The following ARHGAP8 variants were observed in gnomAD, a reference collection of about 807,000 sequenced individuals.
ARHGAP8 encodes rho GTPase-activating protein 8.
Under a neutral mutation model 46.1 loss-of-function variants are expected in ARHGAP8, and 62 were observed. The observed-to-expected ratio is 1.34, with a 90% CI of 1.10 to 1.66. The LOEUF is 1.66. Ranked by LOEUF, ARHGAP8 falls within the 40% of genes most tolerant of loss-of-function variation. The pLI is 0.00. For synonymous variants in ARHGAP8, 375 were observed against 243.1 expected (o/e 1.54, Z -5.05); for missense variants, 923 against 568.4 (o/e 1.62, Z -6.34).
chr22:44,771,570 T>C (rs1926005823), intron 1 of ARHGAP8, among the ~76,000 whole-genome samples: 2 of 150,420 alleles, frequency 1.3e-5, no homozygotes, highest in Admixed American at 6.7e-5. Flanking sequence ...TTATTTTTTT[T>C]TGAGACAAAG....
rs183662852 is a variant in ARHGAP8 at position 44,835,477 on chromosome 22, C to T, written c.597-9792C>T. ...TACTAAAAGTACAAAAAAAATTAGC[C>T]GGGCATGGTTGCAGGCGCCTATAGG... On this transcript the variant is annotated intron_variant, in intron 7 of 11. Coordinates refer to ENST00000356099, the MANE Select transcript of ARHGAP8 (RefSeq NM_181335.3). Among the ~76,000 whole-genome samples the T allele has an allele frequency of 8.6e-3, 1,315 of 152,024 alleles. 19 individuals are homozygous for T. The highest frequency in any genetic ancestry group is 0.029 in the African/African-American group (1,223 of 41,464).
chr22:44,754,083 C>T (rs903852495), intron 1 of ARHGAP8, among the ~76,000 whole-genome samples: 2 of 152,176 alleles, frequency 1.3e-5, no homozygotes, highest in Non-Finnish European at 2.9e-5. Context: ...GGACAGCCAG[C>T]TGCCTGGTCC....
At chr22:44,825,373 G>A in intron 6 of ARHGAP8, 110 bp from the exon 7 acceptor site, 1 of 1,155,302 alleles carries the variant, frequency 8.7e-7, no homozygotes, top group South Asian at 1.5e-5. Flanking sequence ...GCGCCCAGAG[G>A]GATGAGATGC....
At chr22:44,840,437 C>G (rs975538774) in intron 7 of ARHGAP8, among the ~76,000 whole-genome samples, 2 of 145,810 alleles carry the variant, frequency 1.4e-5, no homozygotes, top group African/African-American at 5.0e-5. Context: ...CTTGTTACAT[C>G]CCCTCTCCCT....
At chr22:44,801,899 C>A (rs767414500) in intron 2 of ARHGAP8, 178 bp from the exon 3 acceptor site, 4 of 628,680 alleles carry the variant, frequency 6.4e-6, no homozygotes, top group East Asian at 2.7e-5. Context: ...GAACTTGGAC[C>A]ACGTGCATAA....
intron 1 of ARHGAP8, among the ~76,000 whole-genome samples, chr22:44,766,621 CAT>C (rs1925595357): frequency 6.6e-6 from 1 of 152,108 alleles, no homozygotes. Context: ...AAAGTACGCA[CAT>C]GATTCCAAGA....
chr22:44,782,315 C>T (rs370873947), intron 1 of ARHGAP8, among the ~76,000 whole-genome samples: 17 of 151,998 alleles, frequency 1.1e-4, no homozygotes, highest in African/African-American at 3.4e-4. Flanking sequence ...CCAGCCTGGG[C>T]GACAAAGTGA....
intron 5 of ARHGAP8, 147 bp from the exon 6 acceptor site, chr22:44,822,224 G>C (rs184354514): frequency 4.7e-6 from 3 of 636,896 alleles, no homozygotes; most frequent in Non-Finnish European, 7.7e-6. Context: ...TGTTATGTTC[G>C]GGTTTTAAGT....
chr22:44,835,521 T>C (rs1164094464), intron 7 of ARHGAP8, among the ~76,000 whole-genome samples: 1 of 152,130 alleles, frequency 6.6e-6, no homozygotes, highest in Non-Finnish European at 1.5e-5. Context: ...CTCAGGAGGC[T>C]GAGGCAGGAG....
intron 1 of ARHGAP8, among the ~76,000 whole-genome samples, chr22:44,758,611 G>A (rs1230080433): frequency 6.6e-6 from 1 of 151,900 alleles, no homozygotes; most frequent in Non-Finnish European, 1.5e-5. Context: ...GTGCGTTCCA[G>A]GTAGTGGGGA....
chr22:44,861,863 G>T (rs1037051929), intron 11 of ARHGAP8, among the ~76,000 whole-genome samples: 1 of 152,122 alleles, frequency 6.6e-6, no homozygotes, highest in African/African-American at 2.4e-5. Context: ...CCTGCCCCTC[G>T]TAGTGGCCCC....
chr22:44,829,118 CAAAAAAA>C (rs57906111), intron 7 of ARHGAP8, among the ~76,000 whole-genome samples: 5 of 49,376 alleles, frequency 1.0e-4, no homozygotes, highest in Non-Finnish European at 1.7e-4. Flanking sequence ...ACTAAAAATA[CAAAAAAA>C]AAAAAAAAAA....
intron 1 of ARHGAP8, among the ~76,000 whole-genome samples, chr22:44,753,131 C>T (rs576337286): frequency 9.2e-5 from 14 of 151,670 alleles, no homozygotes; most frequent in Non-Finnish European, 1.6e-4. Context: ...AAACGGAGGC[C>T]GGGGCAGGTG....
chr22:44,861,075 C>T (rs554449649), intron 11 of ARHGAP8, among the ~76,000 whole-genome samples: 1 of 152,174 alleles, frequency 6.6e-6, no homozygotes, highest in Non-Finnish European at 1.5e-5. Context: ...GCAATCTCAG[C>T]TCACTGCAAC....
intron 10 of ARHGAP8, chr22:44,850,222 C>T (rs1331912075): frequency 6.6e-6 from 1 of 152,198 alleles, no homozygotes; most frequent in African/African-American, 2.4e-5. Context: ...AACGCCCTTT[C>T]TGAGATGGGG....
chr22:44,825,546 G>C lies in ARHGAP8; in HGVS notation c.549G>C (p.Pro183=). 1 of 1,613,350 alleles carries C rather than the reference G, an allele frequency of 6.2e-7. No individual in the cohort carries two copies. The highest frequency in any genetic ancestry group is 1.1e-5 in the South Asian group (1 of 91,022). ...CGCCGCCTCCCACCAAGACACCACC[G>C]CCGCGGCCCCCGCTGCCCACACAGC... The part of the protein sequence containing the change: ...GRTPPPTKTP[P]PRPPLPTQQF... The change falls in exon 7 of 12, where the codon CCG becomes CCC. Residue 183 remains proline (P), a synonymous_variant. Coordinates refer to ENST00000356099, the MANE Select transcript of ARHGAP8 (RefSeq NM_181335.3).
chr22:44,778,407 T>C (rs1926579883), intron 1 of ARHGAP8, among the ~76,000 whole-genome samples: 1 of 152,180 alleles, frequency 6.6e-6, no homozygotes, highest in South Asian at 2.1e-4. Context: ...TATATCACAG[T>C]TTCTTTATCC....
Position 44,862,570 on chromosome 22 carries a change from T to G in ARHGAP8, c.1277T>G (p.Leu426Arg). Residue 426 changes from leucine to arginine, a missense_variant, in exon 12 of 12, where the codon CTG becomes CGG. Transcript: ENST00000356099. ...AAGCCTACCCTACCTCCGAGTCCCC[T>G]GATGGCAGCCAGAAGACGTCTCTAG... ...LTKPTLPPSP[L>R]MAARRRL 1 of 1,591,430 alleles carries G rather than the reference T, an allele frequency of 6.3e-7. No homozygotes were observed. The highest frequency in any genetic ancestry group is 8.6e-7 in the Non-Finnish European group (1 of 1,163,654).
intron 7 of ARHGAP8, among the ~76,000 whole-genome samples, chr22:44,837,295 G>C (rs573486193): frequency 6.6e-6 from 1 of 152,200 alleles, no homozygotes; most frequent in Non-Finnish European, 1.5e-5. Flanking sequence ...CGAGGGGAGG[G>C]GTACAAGCAA....
Sources: gnomAD v4.1 joint callset for allele counts (sites outside exome capture counted in the v4.1 genomes callset) on GRCh38, gnomAD v4.1.1 for gene constraint, MANE v1.5 for transcripts, NCBI Gene and HGNC (gene_info 2026-07-23, HGNC 2026-07-21) for gene names.